Variants in TBCD observed in about 807,000 individuals in gnomAD.
TBCD encodes the protein tubulin-specific chaperone D.
A neutral mutation model predicts 169.3 loss-of-function variants in TBCD; 105 were observed. That is an observed-to-expected ratio of 0.62 (90% CI 0.53 to 0.73). The LOEUF is 0.73. TBCD is among the 30% of genes least tolerant of loss of function. The pLI, the probability that TBCD is intolerant of heterozygous loss-of-function variation, is 0.00. For missense variants in TBCD, 1,444 were observed against 1,600.1 expected, an observed-to-expected ratio of 0.90 and a Z score of 1.66; for synonymous variants, 700 against 643.9, an observed-to-expected ratio of 1.09 and a Z score of -1.32.
intron 23 of TBCD, chr17:82,913,629 C>G (rs559131689): frequency 3.3e-5 from 5 of 152,362 alleles, no homozygotes; most frequent in Non-Finnish European, 7.3e-5. Flanking sequence ...CCCCAGGACG[C>G]CATTTTGGCT....
At chr17:82,819,916 G>T (rs923157776) in intron 13 of TBCD, among the ~76,000 whole-genome samples, 1 of 151,970 alleles carries the variant, frequency 6.6e-6, no homozygotes, top group Non-Finnish European at 1.5e-5. Context: ...GAACCCTTAC[G>T]GTTTCCTTTG....
At position 82,772,453 on chromosome 17, in the gene TBCD, C is replaced by T. The variant is rs549301332; in HGVS notation, c.584C>T (p.Ser195Phe). ...IMDRILQIAE[S>F]YLIVSDKARD... ...TCTGTGCTTCACCCTTTCTTGCAGT[C>T]CTACTTGATTGTCAGTGACAAGGCC... Residue 195 changes from serine (S) to phenylalanine (F), a missense_variant and splice_region_variant, in exon 6 of 39, where the codon TCC becomes TTC. By Grantham distance (155) the Ser-to-Phe change is radical (BLOSUM62 -2). Coordinates refer to ENST00000355528, the MANE Select transcript of TBCD (RefSeq NM_005993.5). The T allele has an allele frequency of 6.2e-7, 1 of 1,613,878 alleles. No individual in the cohort carries two copies. Among genetic ancestry groups the T allele is most frequent in the Non-Finnish European group, 8.5e-7 (1 of 1,179,874 alleles).
intron 18 of TBCD, among the ~76,000 whole-genome samples, chr17:82,902,703 A>G (rs1259135379): frequency 6.6e-6 from 1 of 152,250 alleles, no homozygotes; most frequent in African/African-American, 2.4e-5. Flanking sequence ...ATTAGAGGAC[A>G]GACACCCGCC....
At chr17:82,771,742 C>T (rs1019973436) in intron 5 of TBCD, among the ~76,000 whole-genome samples, 12 of 152,162 alleles carry the variant, frequency 7.9e-5, no homozygotes. Flanking sequence ...GCTCACACCA[C>T]TGTACTCCAG....
At chr17:82,778,180 A>T (rs2048720045) in intron 6 of TBCD, among the ~76,000 whole-genome samples, 1 of 152,210 alleles carries the variant, frequency 6.6e-6, no homozygotes, top group Admixed American at 6.5e-5. Context: ...CATATCTAAG[A>T]TCTGTATCTG....
chr17:82,774,831 A>G (rs1458055451), intron 6 of TBCD, among the ~76,000 whole-genome samples: 1 of 152,272 alleles, frequency 6.6e-6, no homozygotes, highest in Non-Finnish European at 1.5e-5. Flanking sequence ...TACAAGTGGA[A>G]CGCACGTTTT....
At chr17:82,828,199 A>G (rs1300449078) in intron 13 of TBCD, among the ~76,000 whole-genome samples, 7 of 144,930 alleles carry the variant, frequency 4.8e-5, no homozygotes, top group African/African-American at 1.6e-4. Flanking sequence ...ACCCGCAGAT[A>G]TGCACACGTG....
intron 13 of TBCD, among the ~76,000 whole-genome samples, chr17:82,818,462 G>A (rs2052124465): frequency 6.6e-6 from 1 of 152,218 alleles, no homozygotes; most frequent in Non-Finnish European, 1.5e-5. Context: ...GAGCCGTCTT[G>A]TTTATATAAA....
intron 22 of TBCD, among the ~76,000 whole-genome samples, chr17:82,909,770 A>G (rs1568016936): frequency 6.6e-6 from 1 of 152,174 alleles, no homozygotes; most frequent in Non-Finnish European, 1.5e-5. Context: ...TGCAGGTGTC[A>G]TCGCGTTTCC....
chr17:82,832,109 C>T lies in TBCD; in HGVS notation c.1318+17175C>T, dbSNP rs775394896. ...CTGTGGGTTCCCCGGGCTTGCAGCT[C>T]CAGGTTTTCCTTGATGTCTTCCCTG... On this transcript the variant is annotated intron_variant, in intron 13 of 38. Coordinates refer to ENST00000355528, the MANE Select transcript of TBCD (RefSeq NM_005993.5). The surrounding 1 kb of genome is among the most constrained non-coding windows in gnomAD (Gnocchi z 4.9). The T allele has an allele frequency of 1.2e-6, 2 of 1,614,204 alleles. No homozygotes were observed. Among genetic ancestry groups the T allele is most frequent in the Admixed American group, 1.7e-5 (1 of 60,022 alleles).
At chr17:82,876,406 T>G (rs1452234635) in intron 14 of TBCD, among the ~76,000 whole-genome samples, 1 of 152,218 alleles carries the variant, frequency 6.6e-6, no homozygotes, top group Admixed American at 6.5e-5. Context: ...GGATGGTAGA[T>G]GAACGTGGTG....
At chr17:82,893,194 G>A in intron 16 of TBCD, 2 of 272,894 alleles carry the variant, frequency 7.3e-6, no homozygotes, top group Non-Finnish European at 1.4e-5. Flanking sequence ...CAGGCCGATG[G>A]AGGTCAGTGG....
intron 28 of TBCD, 109 bp from the exon 29 acceptor site, chr17:82,927,077 C>T: frequency 6.7e-7 from 1 of 1,500,796 alleles, no homozygotes; most frequent in African/African-American, 1.4e-5. Flanking sequence ...GGGTCCTGGA[C>T]TGTTCTGAGC....
chr17:82,911,813 C>G (rs990988188), intron 23 of TBCD, 24 bp downstream of exon 23: 1 of 1,613,288 alleles, frequency 6.2e-7, no homozygotes, highest in Admixed American at 1.7e-5. Flanking sequence ...CCTTTGCAGC[C>G]CTCTGCAGCC....
At chr17:82,908,217 T>G in intron 21 of TBCD, 1 of 432,180 alleles carries the variant, frequency 2.3e-6, no homozygotes. Context: ...CAGCCAACTC[T>G]GGGTGGGGGC....
At chr17:82,756,063 G>T in intron 1 of TBCD, 102 bp from the exon 2 acceptor site, 2 of 1,021,930 alleles carry the variant, frequency 2.0e-6, no homozygotes, top group East Asian at 5.2e-5. Flanking sequence ...GGGAAGAGGT[G>T]GAGCTGCCCT....
chr17:82,850,035 G>C (rs1237984852), intron 13 of TBCD, among the ~76,000 whole-genome samples: 3 of 100,542 alleles, frequency 3.0e-5, no homozygotes, highest in Admixed American at 9.9e-5. Context: ...TGGCTGTGCT[G>C]TTGTTGGCTG....
Position 82,942,817 on chromosome 17 carries a change from C to T in TBCD, c.*354C>T, listed in dbSNP as rs991921155. 3 of 388,020 alleles carry T rather than the reference C, an allele frequency of 7.7e-6. No individual in the cohort carries two copies. Among genetic ancestry groups the T allele is most frequent in the African/African-American group, 4.2e-5 (2 of 48,166 alleles). The allele number at this position is 388,020 out of a possible 1,614,324, so 24.0% of individuals were successfully genotyped here. A position where few individuals can be genotyped will look rare whatever the true frequency, so the allele number is the denominator to read the frequency against. On this transcript the variant is annotated 3_prime_UTR_variant, in exon 39 of 39. Coordinates refer to ENST00000355528, the MANE Select transcript of TBCD (RefSeq NM_005993.5). ...GCACTCCTCCTGCCTGGAGACCAGG[C>T]CCCCTTCTTGCCTGGTGCTGTCCCT...
At chr17:82,753,314 G>C (rs1373974758) in intron 1 of TBCD, among the ~76,000 whole-genome samples, 10 of 152,124 alleles carry the variant, frequency 6.6e-5, no homozygotes, top group Admixed American at 6.5e-4. Flanking sequence ...TTGATTGCCT[G>C]TTTCTTCGGG....
Sources: gnomAD v4.1 joint callset for allele counts (sites outside exome capture counted in the v4.1 genomes callset) on GRCh38, gnomAD v4.1.1 for gene constraint, Gnocchi (gnomAD v3.1) non-coding constraint, MANE v1.5 for transcripts, NCBI Gene and HGNC (gene_info 2026-07-23, HGNC 2026-07-21) for gene names.